The following ZFYVE1 variants were observed in gnomAD, a reference collection of about 807,000 sequenced individuals.
ZFYVE1 encodes zinc finger FYVE domain-containing protein 1.
Under a neutral mutation model 74.4 loss-of-function variants are expected in ZFYVE1, and 30 were observed. The ratio of observed to expected loss-of-function variants is 0.40; its 90% CI spans 0.30 to 0.55. The LOEUF (loss-of-function observed/expected upper bound fraction) is 0.55. Among genes scored for constraint, ZFYVE1 ranks in the 20% least tolerant of loss-of-function variants. ZFYVE1 has a pLI of 0.42. For synonymous variants in ZFYVE1, 335 were observed against 385.1 expected (o/e 0.87, Z 1.52); for missense variants, 703 against 1,011.6 (o/e 0.69, Z 4.14).
chr14:72,991,130 G>GA (rs1482390537), intron 4 of ZFYVE1, among the ~76,000 whole-genome samples: 1 of 151,472 alleles, frequency 6.6e-6, no homozygotes, highest in Non-Finnish European at 1.5e-5. Flanking sequence ...CTTCTGAGGG[G>GA]AAAAATCCCT....
intron 1 of ZFYVE1, among the ~76,000 whole-genome samples, chr14:73,025,354 T>TCACC (rs1418641067): frequency 6.6e-6 from 1 of 151,622 alleles, no homozygotes; most frequent in Non-Finnish European, 1.5e-5. Flanking sequence ...CAGGCGTGAG[T>TCACC]CACCGCACCT....
chr14:73,026,270 C>T (rs1028864659), intron 1 of ZFYVE1, among the ~76,000 whole-genome samples: 2 of 152,042 alleles, frequency 1.3e-5, no homozygotes, highest in East Asian at 1.9e-4. Context: ...CTTCAAAATA[C>T]GAAAAAAGAT....
chr14:72,998,247 G>A lies in ZFYVE1; in HGVS notation c.552C>T (p.Ser184=). 1 of 1,607,438 alleles carries A rather than the reference G, an allele frequency of 6.2e-7. No homozygotes were observed. The highest frequency in any genetic ancestry group is 8.5e-7 in the Non-Finnish European group (1 of 1,177,040). The change falls in exon 3 of 12, where the codon TCC becomes TCT. Residue 184 remains serine, a synonymous_variant. Coordinates refer to ENST00000556143, the MANE Select transcript of ZFYVE1 (RefSeq NM_021260.4). ...TTCCATCACCAGTATTTCCAAAAAT[G>A]GAAACCACTTTCAGATGCTGATCAG... ...CKPDQHLKVV[S]IFGNTGDGKS...
intron 2 of ZFYVE1, among the ~76,000 whole-genome samples, chr14:72,998,572 A>T (rs1893803307): frequency 6.6e-6 from 1 of 152,164 alleles, no homozygotes; most frequent in Non-Finnish European, 1.5e-5. Context: ...AAAGAAAAAA[A>T]CAAAAAAAAG....
Position 72,971,491 on chromosome 14 carries a change from C to T in ZFYVE1, c.2102-377G>A, listed in dbSNP as rs1893034489. 2.0e-5 allele frequency among the ~76,000 whole-genome samples: 3 copies of T among 152,262 alleles called. No individual in the cohort carries two copies. In the South Asian group the frequency reaches 6.2e-4, roughly 32 times the overall value. ...AGCTGGGACTACAGGTGTGCACCAC[C>T]ACACCTGGCTAATTTTTGTAGAGAC... On this transcript the variant is annotated intron_variant, in intron 11 of 11. Transcript: ENST00000556143.
chr14:73,016,288 G>C (rs182819166), intron 2 of ZFYVE1, among the ~76,000 whole-genome samples: 34 of 152,322 alleles, frequency 2.2e-4, no homozygotes, highest in Admixed American at 2.2e-3. Context: ...AAGGCAGGCG[G>C]ATCACAAGGT....
At chr14:73,013,171 C>A (rs532029606) in intron 2 of ZFYVE1, among the ~76,000 whole-genome samples, 1 of 152,258 alleles carries the variant, frequency 6.6e-6, no homozygotes, top group African/African-American at 2.4e-5. Flanking sequence ...GTCCAATTAT[C>A]CTCCAGTGAA....
At chr14:73,012,929 C>A (rs1894118895) in intron 2 of ZFYVE1, among the ~76,000 whole-genome samples, 2 of 152,120 alleles carry the variant, frequency 1.3e-5, no homozygotes, top group South Asian at 4.1e-4. Flanking sequence ...AGGGATTGAG[C>A]TAGAAAGTAG....
chr14:73,009,143 C>A (rs918086253), intron 2 of ZFYVE1, among the ~76,000 whole-genome samples: 4 of 152,330 alleles, frequency 2.6e-5, no homozygotes, highest in African/African-American at 9.6e-5. Flanking sequence ...GACGCTATAT[C>A]CTCTGGGGGA....
At chr14:72,996,988 C>G (rs1893763379) in intron 3 of ZFYVE1, among the ~76,000 whole-genome samples, 3 of 152,190 alleles carry the variant, frequency 2.0e-5, no homozygotes, top group African/African-American at 7.2e-5. Context: ...AGGTGACAAT[C>G]TTGCTTCCTA....
intron 8 of ZFYVE1, among the ~76,000 whole-genome samples, chr14:72,977,244 C>A (rs1893196893): frequency 6.6e-6 from 1 of 152,076 alleles, no homozygotes; most frequent in Admixed American, 6.6e-5. Flanking sequence ...CCTGTCTTTA[C>A]TGAAAATACA....
Position 72,974,829 on chromosome 14 carries a change from G to A in ZFYVE1, c.1937C>T (p.Ala646Val), listed in dbSNP as rs142709121. Reference sequence around the variant, plus strand: ...GCAGTTGTCACAGACCCGCACTGGCGCAGGGCCCCAGCCCCGCTCAGGCAC... The same window carrying A: ...GCAGTTGTCACAGACCCGCACTGGCACAGGGCCCCAGCCCCGCTCAGGCAC... ...RPVPERGWGP[A>V]PVRVCDNCYE... The change falls in exon 10 of 12, where the codon GCG becomes GTG. Residue 646 changes from alanine to valine, a missense_variant. Around this residue, in one of 2 missense-constraint regions of ZFYVE1, gnomAD observed 492 missense variants for 790.0 expected, o/e 0.62. Transcript: ENST00000556143. The A allele has an allele frequency of 1.4e-5, 23 of 1,612,842 alleles. No individual in the cohort carries two copies. Among genetic ancestry groups the A allele is most frequent in the South Asian group, 7.7e-5 (7 of 91,052 alleles).
At chr14:73,022,127 C>A (rs946250927) in intron 2 of ZFYVE1, among the ~76,000 whole-genome samples, 1 of 152,168 alleles carries the variant, frequency 6.6e-6, no homozygotes, top group South Asian at 2.1e-4. Flanking sequence ...TCCACAATGT[C>A]GCCCAATTAC....
chr14:72,974,507 A>G (rs562634962), intron 10 of ZFYVE1, among the ~76,000 whole-genome samples: 48 of 152,304 alleles, frequency 3.2e-4, no homozygotes, highest in African/African-American at 1.2e-3. Context: ...TCTGGTAAAC[A>G]CTGCAGCCTT....
intron 6 of ZFYVE1, 63 bp from the exon 7 acceptor site, chr14:72,978,297 G>A (rs576691051): frequency 1.2e-4 from 187 of 1,540,810 alleles, no homozygotes; most frequent in Non-Finnish European, 1.5e-4. Flanking sequence ...TAATAGACAC[G>A]GGGTTTTACC....
Position 72,981,779 on chromosome 14 carries a change from C to T in ZFYVE1, c.1310+10G>A. 5.6e-6 allele frequency: 9 copies of T among 1,613,496 alleles called. No individual in the cohort carries two copies. The highest frequency in any genetic ancestry group is 7.6e-6 in the Non-Finnish European group (9 of 1,179,560). On this transcript the variant is annotated intron_variant, in intron 5 of 11. Coordinates refer to ENST00000556143, the MANE Select transcript of ZFYVE1 (RefSeq NM_021260.4). Reference sequence around the variant, plus strand: ...TATGGGGTGGGAGGTGGGGGAGCGGCCTTACTTACCCACAGCTGAGGCACA... The same window carrying T: ...TATGGGGTGGGAGGTGGGGGAGCGGTCTTACTTACCCACAGCTGAGGCACA...
intron 2 of ZFYVE1, among the ~76,000 whole-genome samples, chr14:73,006,683 T>C (rs529597039): frequency 7.1e-4 from 106 of 149,980 alleles, no homozygotes; most frequent in Middle Eastern, 3.6e-3. Flanking sequence ...AATATAACTG[T>C]ACTCAATGAT....
At chr14:72,988,746 T>C (rs1405200959) in intron 4 of ZFYVE1, among the ~76,000 whole-genome samples, 3 of 148,236 alleles carry the variant, frequency 2.0e-5, no homozygotes, top group African/African-American at 7.5e-5. Context: ...GTCAGAGGTT[T>C]CAGTGAGCCA....
At chr14:73,015,385 GAA>G (rs1894178084) in intron 2 of ZFYVE1, among the ~76,000 whole-genome samples, 1 of 12,786 alleles carries the variant, frequency 7.8e-5, no homozygotes, top group African/African-American at 3.6e-4. Context: ...AGGAAGGGGG[GAA>G]GGAAGAGGGG....
Sources: gnomAD v4.1 joint callset for allele counts (sites outside exome capture counted in the v4.1 genomes callset) on GRCh38, gnomAD v4.1.1 for gene constraint, gnomAD v4.1.1 regional missense constraint, MANE v1.5 for transcripts, NCBI Gene and HGNC (gene_info 2026-07-23, HGNC 2026-07-21) for gene names.